ANKS1B: variants seen among roughly 807,000 people sequenced by gnomAD.
ANKS1B encodes the protein ankyrin repeat and sterile alpha motif domain containing 1B.
Under a neutral mutation model 148.3 loss-of-function variants are expected in ANKS1B, and 36 were observed. The ratio of observed to expected loss-of-function variants is 0.24; its 90% CI spans 0.19 to 0.32. The LOEUF (loss-of-function observed/expected upper bound fraction) is 0.32, where lower values mean the gene tolerates loss of function less well. ANKS1B is among the 10% of genes least tolerant of loss of function. ANKS1B has a pLI of 1.00. For synonymous variants in ANKS1B, 542 were observed against 560.8 expected (o/e 0.97, Z 0.47); for missense variants, 1,157 against 1,542.6 (o/e 0.75, Z 4.19).
At chr12:99,036,827 C>A (rs2099955850) in intron 17 of ANKS1B, among the ~76,000 whole-genome samples, 1 of 152,114 alleles carries the variant, frequency 6.6e-6, no homozygotes, top group East Asian at 1.9e-4. Flanking sequence ...ATGTTACATG[C>A]CAAGGAACTC....
intron 2 of ANKS1B, among the ~76,000 whole-genome samples, chr12:99,820,493 T>C (rs1252086467): frequency 1.3e-5 from 2 of 151,908 alleles, no homozygotes; most frequent in Admixed American, 6.6e-5. Flanking sequence ...ATAATGTTTA[T>C]GGAAAAAATC....
intron 11 of ANKS1B, among the ~76,000 whole-genome samples, chr12:99,442,337 A>G (rs1409188425): frequency 2.0e-5 from 3 of 151,832 alleles, no homozygotes; most frequent in Admixed American, 6.6e-5. Context: ...GCAGAAGACG[A>G]CATTTTTGAA....
Position 99,893,402 on chromosome 12 carries a change from C to A in ANKS1B, c.135-68013G>T, listed in dbSNP as rs1223566115. On this transcript the variant is annotated intron_variant, in intron 1 of 26. Coordinates refer to ENST00000683438, the MANE Select transcript of ANKS1B (RefSeq NM_001352186.2). ...CTCCAGCCTGGGAGACAGAGCGAGA[C>A]TCCATCTCAAAAAAAAAAAAAAAAA... Among the ~76,000 whole-genome samples, 4 of 118,060 alleles carry A rather than the reference C, an allele frequency of 3.4e-5. No homozygotes were observed. In the East Asian group the frequency reaches 6.2e-4, roughly 18 times the overall value. 77.5% of individuals were successfully genotyped at this position (118,060 alleles called of 152,430 possible). A position where few individuals can be genotyped will look rare whatever the true frequency, so the allele number is the denominator to read the frequency against.
At chr12:99,676,904 A>G (rs984380029) in intron 8 of ANKS1B, among the ~76,000 whole-genome samples, 1 of 152,176 alleles carries the variant, frequency 6.6e-6, no homozygotes, top group Admixed American at 6.5e-5. Context: ...AATAAATTAG[A>G]TTTTAAAAGG....
At chr12:99,696,798 C>G (rs1029747062) in intron 8 of ANKS1B, among the ~76,000 whole-genome samples, 21 of 152,156 alleles carry the variant, frequency 1.4e-4, no homozygotes, top group African/African-American at 5.1e-4. Context: ...GGACAAGCCA[C>G]AGACTTGGAG....
chr12:99,720,879 C>T (rs1005098228), intron 8 of ANKS1B, among the ~76,000 whole-genome samples: 2 of 152,140 alleles, frequency 1.3e-5, no homozygotes, highest in Non-Finnish European at 2.9e-5. Flanking sequence ...TCATCACAGC[C>T]AATATCTCCT....
At chr12:98,836,017 T>C (rs764947134) in intron 17 of ANKS1B, among the ~76,000 whole-genome samples, 5 of 152,192 alleles carry the variant, frequency 3.3e-5, no homozygotes, top group Non-Finnish European at 7.3e-5. Flanking sequence ...ATGCAAAATC[T>C]GAGATTATGA....
intron 4 of ANKS1B, among the ~76,000 whole-genome samples, chr12:99,803,381 T>C (rs560383708): frequency 6.8e-6 from 1 of 146,996 alleles, no homozygotes. Context: ...GCTAAATATA[T>C]TATGGAAGAT....
At chr12:99,443,574 C>A in intron 11 of ANKS1B, 99 bp downstream of exon 11, 1 of 1,218,862 alleles carries the variant, frequency 8.2e-7, no homozygotes, top group Admixed American at 2.8e-5. Flanking sequence ...ATTGACATAC[C>A]ACATAAAACA....
intron 17 of ANKS1B, among the ~76,000 whole-genome samples, chr12:99,013,403 C>T (rs919503401): frequency 6.6e-6 from 1 of 151,484 alleles, no homozygotes; most frequent in Non-Finnish European, 1.5e-5. Context: ...ATTTATTAGT[C>T]TGTTTATCAC....
intron 16 of ANKS1B, among the ~76,000 whole-genome samples, chr12:99,084,069 G>C (rs2050761922): frequency 6.6e-6 from 1 of 152,288 alleles, no homozygotes; most frequent in East Asian, 1.9e-4. Context: ...ATGATGCCTG[G>C]TTGGTAAATT....
intron 8 of ANKS1B, among the ~76,000 whole-genome samples, chr12:99,765,080 G>C (rs2062519837): frequency 1.3e-5 from 2 of 152,140 alleles, no homozygotes; most frequent in Non-Finnish European, 2.9e-5. Flanking sequence ...CAATCTGGAA[G>C]ACAGTAATGA....
intron 9 of ANKS1B, among the ~76,000 whole-genome samples, chr12:99,638,183 G>A (rs2098262065): frequency 6.6e-6 from 1 of 152,146 alleles, no homozygotes; most frequent in Admixed American, 6.6e-5. Flanking sequence ...ACACGAAAAT[G>A]TGAAAGCGAC....
chr12:99,248,838 C>G (rs1298584136), intron 12 of ANKS1B, among the ~76,000 whole-genome samples: 1 of 152,142 alleles, frequency 6.6e-6, no homozygotes, highest in Non-Finnish European at 1.5e-5. Context: ...TTAAAAAAAT[C>G]TAGGGTTGGT....
intron 10 of ANKS1B, among the ~76,000 whole-genome samples, chr12:99,469,347 G>A (rs907932108): frequency 6.6e-6 from 1 of 151,102 alleles, no homozygotes; most frequent in African/African-American, 2.4e-5. Context: ...GCCAAATGAC[G>A]AGTTGGTGGG....
intron 12 of ANKS1B, among the ~76,000 whole-genome samples, chr12:99,329,605 A>G (rs764520993): frequency 1.5e-4 from 23 of 151,880 alleles, no homozygotes; most frequent in Non-Finnish European, 2.9e-4. Flanking sequence ...TGGTCAACAA[A>G]TGTCTTTATT....
At chr12:99,011,973 G>C (rs1050423409) in intron 17 of ANKS1B, among the ~76,000 whole-genome samples, 1 of 152,196 alleles carries the variant, frequency 6.6e-6, no homozygotes, top group Non-Finnish European at 1.5e-5. Flanking sequence ...AGGGAAAGTT[G>C]TATCACTGAT....
intron 8 of ANKS1B, among the ~76,000 whole-genome samples, chr12:99,746,707 T>C (rs1419818843): frequency 6.6e-6 from 1 of 152,142 alleles, no homozygotes; most frequent in Admixed American, 6.6e-5. Context: ...ATGACTGTAT[T>C]GGAAAGTCAC....
chr12:99,786,789 C>T (rs1314456067), intron 4 of ANKS1B, among the ~76,000 whole-genome samples: 1 of 152,072 alleles, frequency 6.6e-6, no homozygotes, highest in African/African-American at 2.4e-5. Context: ...TCCAAATATT[C>T]CAGCAGATGA....
Sources: allele counts gnomAD v4.1 joint callset (sites outside exome capture counted in the v4.1 genomes callset), GRCh38; gene constraint gnomAD v4.1.1; transcripts MANE v1.5; gene names NCBI Gene and HGNC (gene_info 2026-07-23, HGNC 2026-07-21).